The following AGAP1 variants were observed in gnomAD, a reference collection of about 807,000 sequenced individuals.
AGAP1 encodes the protein arf-GAP with GTPase, ANK repeat and PH domain-containing protein 1.
Under a neutral mutation model 105.3 loss-of-function variants are expected in AGAP1, and 29 were observed. That is an observed-to-expected ratio of 0.28 (90% confidence interval 0.21 to 0.38). AGAP1 has a LOEUF of 0.38. Among genes scored for constraint, AGAP1 ranks in the 10% least tolerant of loss-of-function variants. AGAP1 has a pLI of 1.00. For synonymous variants in AGAP1, 509 were observed against 485.9 expected (o/e 1.05, Z -0.63); for missense variants, 998 against 1,165.1 (o/e 0.86, Z 2.09).
Position 235,882,309 on chromosome 2 carries a change from C to T in AGAP1, c.1051-1036C>T, listed in dbSNP as rs1272193832. On this transcript the variant is annotated intron_variant, in intron 9 of 17. Transcript: ENST00000304032. The surrounding 1 kb of genome is among the most constrained non-coding windows in gnomAD (Gnocchi z 4.6). The stretch of plus-strand genomic sequence containing the variant: ...TCCATCTTGCAGGTCGCTCTTCCTC[C>T]ACATCACAACTGGGGTCTTAAGGAT... 1.3e-6 allele frequency: 1 copy of T among 773,976 alleles called. No homozygotes were observed. Among genetic ancestry groups the T allele is most frequent in the Non-Finnish European group, 2.1e-6 (1 of 484,118 alleles). The allele number at this position is 773,976 out of a possible 1,614,324, so 47.9% of individuals were successfully genotyped here.
intron 1 of AGAP1, among the ~76,000 whole-genome samples, chr2:235,543,798 G>A (rs1943532895): frequency 1.3e-5 from 2 of 152,324 alleles, no homozygotes; most frequent in South Asian, 4.1e-4. Context: ...GTGTCAGGGC[G>A]GTAGCCATCT....
rs1342651969 is a variant in AGAP1 at position 236,036,954 on chromosome 2, C to G, written c.1800+239C>G. Among the ~76,000 whole-genome samples the G allele has an allele frequency of 6.6e-6, 1 of 152,230 alleles. No individual in the cohort carries two copies. Among genetic ancestry groups the G allele is most frequent in the Non-Finnish European group, 1.5e-5 (1 of 68,054 alleles). ...GGCAGGAGAGCCAAGGTTAAATCTT[C>G]AGTCTGTCAGCCAATCCCAGAGGGA... On this transcript the variant is annotated intron_variant, in intron 14 of 17. Coordinates refer to ENST00000304032, the MANE Select transcript of AGAP1 (RefSeq NM_001037131.3). The surrounding 1 kb of genome is among the most constrained non-coding windows in gnomAD (Gnocchi z 5.7).
At chr2:235,929,140 C>T (rs2052596695) in intron 11 of AGAP1, among the ~76,000 whole-genome samples, 1 of 152,234 alleles carries the variant, frequency 6.6e-6, no homozygotes, top group Non-Finnish European at 1.5e-5. Context: ...CTCGCTCCTC[C>T]CACCTGAGCC....
rs1952507234 is a variant in AGAP1 at position 235,740,331 on chromosome 2, C to T, written c.311-632C>T. ...AGGGTCCCGGTGGTCTCCCGCTAAC[C>T]CCGCGTGGTCTCTAACGCCTCCTGT... On this transcript the variant is annotated intron_variant, in intron 3 of 17. Coordinates refer to ENST00000304032, the MANE Select transcript of AGAP1 (RefSeq NM_001037131.3). This position sits in a 1 kb window ranked among gnomAD's most constrained non-coding sequence, Gnocchi z 5.7. Among the ~76,000 whole-genome samples, 1 of 151,992 alleles carries T rather than the reference C, an allele frequency of 6.6e-6. No homozygotes were observed. The highest frequency in any genetic ancestry group is 2.1e-4 in the South Asian group (1 of 4,802).
chr2:235,590,162 T>C (rs1405097613), intron 1 of AGAP1, among the ~76,000 whole-genome samples: 2 of 152,218 alleles, frequency 1.3e-5, no homozygotes, highest in Non-Finnish European at 2.9e-5. Context: ...ATTCCAGGCG[T>C]GAGCCACCGC....
At chr2:235,833,162 G>T (rs1959651725) in intron 9 of AGAP1, among the ~76,000 whole-genome samples, 1 of 152,240 alleles carries the variant, frequency 6.6e-6, no homozygotes, top group East Asian at 1.9e-4. Flanking sequence ...CAGGCTGTTG[G>T]GTGCTGCAGG....
intron 6 of AGAP1, among the ~76,000 whole-genome samples, chr2:235,755,719 G>T (rs1039977710): frequency 7.2e-5 from 11 of 152,176 alleles, no homozygotes; most frequent in African/African-American, 2.7e-4. Context: ...GGGATTGCAG[G>T]CATGACACAC....
At chr2:235,850,595 C>T (rs2048398837) in intron 9 of AGAP1, among the ~76,000 whole-genome samples, 2 of 152,220 alleles carry the variant, frequency 1.3e-5, no homozygotes, top group African/African-American at 4.8e-5. Flanking sequence ...TTCTTGGTTT[C>T]CTAAGGCTGC....
chr2:235,668,468 A>G (rs760865769), intron 1 of AGAP1, among the ~76,000 whole-genome samples: 7 of 152,314 alleles, frequency 4.6e-5, no homozygotes, highest in Non-Finnish European at 1.0e-4. Context: ...GGCCGCCAGC[A>G]CCTTGCCCAG....
At chr2:235,595,271 A>G (rs538756198) in intron 1 of AGAP1, among the ~76,000 whole-genome samples, 4 of 152,284 alleles carry the variant, frequency 2.6e-5, no homozygotes, top group African/African-American at 9.6e-5. Flanking sequence ...GCTTCTCACC[A>G]GTATTGGGAG....
intron 3 of AGAP1, among the ~76,000 whole-genome samples, chr2:235,738,986 C>T (rs1346824727): frequency 6.6e-6 from 1 of 152,204 alleles, no homozygotes; most frequent in Non-Finnish European, 1.5e-5. Context: ...GCAGACTTTT[C>T]TGTCGTAAGC....
intron 1 of AGAP1, among the ~76,000 whole-genome samples, chr2:235,703,487 T>A (rs1362073439): frequency 6.6e-6 from 1 of 152,022 alleles, no homozygotes; most frequent in African/African-American, 2.4e-5. Flanking sequence ...TCCTGCCACC[T>A]CCTTGGCAGC....
At chr2:235,511,658 C>G (rs1942115269) in intron 1 of AGAP1, among the ~76,000 whole-genome samples, 1 of 152,156 alleles carries the variant, frequency 6.6e-6, no homozygotes, top group Non-Finnish European at 1.5e-5. Context: ...CTGGAAACTT[C>G]TATATATAAA....
At position 235,930,960 on chromosome 2, in the gene AGAP1, C is replaced by G; in HGVS notation, c.1483+37C>G. The G allele has an allele frequency of 6.2e-7, 1 of 1,603,772 alleles. No individual in the cohort carries two copies. The highest frequency in any genetic ancestry group is 8.5e-7 in the Non-Finnish European group (1 of 1,174,514). The stretch of plus-strand genomic sequence containing the variant: ...CTCAGCCCCACGGACCCGCAGCCAC[C>G]TCAAGGTCCTTCGTTGTAAGCCAGG... On this transcript the variant is annotated intron_variant, in intron 12 of 17. Coordinates refer to ENST00000304032, the MANE Select transcript of AGAP1 (RefSeq NM_001037131.3). This position sits in a 1 kb window ranked among gnomAD's most constrained non-coding sequence, Gnocchi z 7.9.
chr2:235,619,209 A>G (rs984509101), intron 1 of AGAP1, among the ~76,000 whole-genome samples: 3 of 152,222 alleles, frequency 2.0e-5, no homozygotes, highest in Non-Finnish European at 4.4e-5. Flanking sequence ...GGTTTGTTAC[A>G]GTGGTAATAG....
chr2:235,980,615 T>G (rs2125405464), intron 13 of AGAP1, among the ~76,000 whole-genome samples: 1 of 152,350 alleles, frequency 6.6e-6, no homozygotes, highest in Admixed American at 6.5e-5. Context: ...GGGGAGGCTC[T>G]AAGCTTTGAG....
rs530270358 is a variant in AGAP1, at chr2:235,866,453, C to T, written c.1051-16892C>T. On this transcript the variant is annotated intron_variant, in intron 9 of 17. Transcript: ENST00000304032. This position sits in a 1 kb window ranked among gnomAD's most constrained non-coding sequence, Gnocchi z 6.1. ...ACTCCAGCAAGTGGGGAAGAGACAG[C>T]GGAAGTCCCCAGTGTGACACCAGGG... is the stretch of plus-strand genomic sequence containing the variant. Among the ~76,000 whole-genome samples the T allele has an allele frequency of 1.2e-4, 19 of 152,224 alleles. No homozygotes were observed. Among genetic ancestry groups the T allele is most frequent in the African/African-American group, 4.1e-4 (17 of 41,544 alleles).
At chr2:235,952,273 G>GC (rs1559687425) in intron 12 of AGAP1, among the ~76,000 whole-genome samples, 47 of 82,840 alleles carry the variant, frequency 5.7e-4, no homozygotes, top group African/African-American at 3.0e-3. Context: ...GTCATTTGCA[G>GC]TGGCCCAGCA....
At chr2:235,848,133 G>T (rs946689054) in intron 9 of AGAP1, among the ~76,000 whole-genome samples, 13 of 152,166 alleles carry the variant, frequency 8.5e-5, no homozygotes, top group Non-Finnish European at 1.8e-4. Flanking sequence ...TCCTGAGGAT[G>T]CTGTTTCCAT....
Sources: allele counts gnomAD v4.1 joint callset (sites outside exome capture counted in the v4.1 genomes callset), GRCh38; gene constraint gnomAD v4.1.1; non-coding constraint Gnocchi (gnomAD v3.1); transcripts MANE v1.5; gene names NCBI Gene and HGNC (gene_info 2026-07-23, HGNC 2026-07-21).